FANCM: variants seen among roughly 807,000 people sequenced by gnomAD.
The protein encoded by FANCM is FA complementation group M.
FANCM carries 140 observed loss-of-function variants against 199.5 expected under a neutral mutation model. The observed-to-expected ratio is 0.70, with a 90% CI of 0.61 to 0.81. The LOEUF (loss-of-function observed/expected upper bound fraction) is 0.81. FANCM is among the 30% of genes least tolerant of loss of function. FANCM has a pLI of 0.00. For synonymous variants in FANCM, 840 were observed against 836.8 expected (o/e 1.00, Z -0.07); for missense variants, 2,410 against 2,421.4 (o/e 1.00, Z 0.10).
chr14:45,139,252 A>C (rs1486231966), intron 2 of FANCM, among the ~76,000 whole-genome samples: 2 of 152,224 alleles, frequency 1.3e-5, no homozygotes, highest in Non-Finnish European at 2.9e-5. Flanking sequence ...AATAAGTATA[A>C]TGTTATGTCT....
At chr14:45,160,683 T>G (rs892388663) in intron 9 of FANCM, among the ~76,000 whole-genome samples, 10 of 152,084 alleles carry the variant, frequency 6.6e-5, no homozygotes, top group Admixed American at 1.3e-4. Context: ...TAGCTGGGAC[T>G]ACAGGTGCCC....
At chr14:45,182,674 G>A (rs1359252645) in intron 16 of FANCM, among the ~76,000 whole-genome samples, 1 of 152,174 alleles carries the variant, frequency 6.6e-6, no homozygotes, top group African/African-American at 2.4e-5. Context: ...AGCAAATCTT[G>A]TCTGTTTTAA....
intron 9 of FANCM, among the ~76,000 whole-genome samples, chr14:45,161,935 G>A (rs1887635602): frequency 6.6e-6 from 1 of 152,188 alleles, no homozygotes; most frequent in Non-Finnish European, 1.5e-5. Flanking sequence ...GTGAGAAGTG[G>A]TTAAGTTCTG....
chr14:45,144,793 T>C (rs1886245507), intron 3 of FANCM, among the ~76,000 whole-genome samples: 1 of 152,180 alleles, frequency 6.6e-6, no homozygotes, highest in Admixed American at 6.5e-5. Context: ...AGTCAAGGCC[T>C]GGAATCAGGT....
chr14:45,153,854 C>G (rs879072924), intron 5 of FANCM, 66 bp from the exon 6 acceptor site: 1 of 1,281,090 alleles, frequency 7.8e-7, no homozygotes. Context: ...GGCCTGACAA[C>G]TTGGGCATGG....
chr14:45,165,242 T>C (rs1351784878), intron 10 of FANCM, among the ~76,000 whole-genome samples: 1 of 152,184 alleles, frequency 6.6e-6, no homozygotes, highest in African/African-American at 2.4e-5. Flanking sequence ...TTAAAGGTCT[T>C]AACAGCCATG....
At chr14:45,195,329 G>A (rs1354525884) in intron 20 of FANCM, among the ~76,000 whole-genome samples, 1 of 152,196 alleles carries the variant, frequency 6.6e-6, no homozygotes, top group African/African-American at 2.4e-5. Flanking sequence ...GCCTACATGA[G>A]GGCTGGAGGG....
At position 45,199,871 on chromosome 14, in the gene FANCM, T is replaced by C. The variant is rs760258217; in HGVS notation, c.6010T>C (p.Ser2004Pro). The C allele has an allele frequency of 2.5e-6, 4 of 1,612,028 alleles. No homozygotes were observed. The highest frequency in any genetic ancestry group is 2.5e-6 in the Non-Finnish European group (3 of 1,178,614). The change falls in exon 23 of 23, where the codon TCA becomes CCA. Residue 2004 changes from serine to proline, a missense_variant and splice_region_variant. Coordinates refer to ENST00000267430, the MANE Select transcript of FANCM (RefSeq NM_020937.4). ...FSSVKRMANS[S>P]LQEISMYAQV... ...GATTTTGTCTCATTTATTTTTCAGC[T>C]CACTTCAAGAAATCTCCATGTATGC...
intron 8 of FANCM, among the ~76,000 whole-genome samples, chr14:45,158,784 A>G (rs1482978862): frequency 2.6e-5 from 4 of 152,184 alleles, no homozygotes; most frequent in Non-Finnish European, 5.9e-5. Context: ...TAAAATTAAT[A>G]GAGAATATAG....
Position 45,189,088 on chromosome 14 carries a change from C to G in FANCM, c.5066C>G (p.Ala1689Gly), listed in dbSNP as rs759068569. 6.2e-7 allele frequency: 1 copy of G among 1,614,040 alleles called. No individual in the cohort carries two copies. ...NVNDKRESNI[A>G]VNPSTVKKNK... is the part of the protein sequence containing the mutation. ...AATGATAAAAGAGAATCTAATATTG[C>G]GGTTAACCCAAGCACTGTTAAGAAG... is the stretch of plus-strand genomic sequence containing the variant. The change falls in exon 20 of 23, where the codon GCG becomes GGG. Residue 1689 changes from alanine (A) to glycine (G), a missense_variant. Coordinates refer to ENST00000267430, the MANE Select transcript of FANCM (RefSeq NM_020937.4).
At chr14:45,199,338 A>G (rs1890237784) in intron 22 of FANCM, among the ~76,000 whole-genome samples, 1 of 152,212 alleles carries the variant, frequency 6.6e-6, no homozygotes, top group South Asian at 2.1e-4. Flanking sequence ...GGCCTACATC[A>G]GATACTGTCT....
chr14:45,170,356 A>C (rs1888258125), intron 11 of FANCM, among the ~76,000 whole-genome samples: 2 of 152,186 alleles, frequency 1.3e-5, no homozygotes, highest in South Asian at 4.1e-4. Context: ...TCAAGACTTC[A>C]TCTCTACAAA....
intron 7 of FANCM, 87 bp downstream of exon 7, chr14:45,154,909 C>G (rs953822008): frequency 4.1e-6 from 4 of 966,360 alleles, no homozygotes; most frequent in Non-Finnish European, 6.5e-6. Flanking sequence ...ATGCAAATGT[C>G]TACAATTATT....
chr14:45,164,361 A>G lies in FANCM; in HGVS notation c.1584A>G (p.Val528=), dbSNP rs1158678939. ...TTTTTCAATTGTTTTTATTTTAGGT[A>G]GTGAAACAGTTTCGTGACGGTGGTT... ...KGFTQKEQLE[V]VKQFRDGGYN... is the part of the protein sequence containing the mutation. Residue 528 remains valine (V), a splice_region_variant and synonymous_variant, in exon 10 of 23, where the codon GTA becomes GTG. Transcript: ENST00000267430. 1 of 1,609,740 alleles carries G rather than the reference A, an allele frequency of 6.2e-7. No homozygotes were observed. The highest frequency in any genetic ancestry group is 1.7e-5 in the Admixed American group (1 of 60,024).
At chr14:45,198,504 G>A (rs961053407) in intron 21 of FANCM, 140 bp from the exon 22 acceptor site, 1 of 544,972 alleles carries the variant, frequency 1.8e-6, no homozygotes, top group South Asian at 3.2e-5. Flanking sequence ...AACATTAGTT[G>A]TAGGGTTTCT....
Position 45,183,772 on chromosome 14 carries a change from A to G in FANCM, c.4387-2A>G. On this transcript the variant is annotated splice_acceptor_variant, in intron 16 of 22. Coordinates refer to ENST00000267430, the MANE Select transcript of FANCM (RefSeq NM_020937.4). LOFTEE classifies it high-confidence loss of function. ...TGCAAGAATTTTGTCGAATTATTAT[A>G]GTCAGAATTATCATCTAGTGATGAG... 6.2e-7 allele frequency: 1 copy of G among 1,604,196 alleles called. No homozygotes were observed. The highest frequency in any genetic ancestry group is 8.5e-7 in the Non-Finnish European group (1 of 1,171,774).
At chr14:45,163,166 A>T (rs936911470) in intron 9 of FANCM, among the ~76,000 whole-genome samples, 26 of 152,342 alleles carry the variant, frequency 1.7e-4, no homozygotes, top group South Asian at 1.4e-3. Flanking sequence ...AGTCAGAGAC[A>T]CTAACATTCA....
chr14:45,136,803 A>T (rs1594751480), intron 1 of FANCM, among the ~76,000 whole-genome samples: 1 of 152,176 alleles, frequency 6.6e-6, no homozygotes, highest in East Asian at 1.9e-4. Flanking sequence ...CCTGAAAAAG[A>T]TTTCTCAGTT....
chr14:45,149,130 G>A (rs572335700), intron 4 of FANCM, 135 bp downstream of exon 4: 1 of 833,218 alleles, frequency 1.2e-6, no homozygotes, highest in East Asian at 2.7e-5. Flanking sequence ...ATTCTTTGAA[G>A]TTAAAATTTT....
Sources: allele counts gnomAD v4.1 joint callset (sites outside exome capture counted in the v4.1 genomes callset), GRCh38; gene constraint gnomAD v4.1.1; transcripts MANE v1.5; gene names NCBI Gene and HGNC (gene_info 2026-07-23, HGNC 2026-07-21).